Variants in AFF2 observed in about 807,000 individuals in gnomAD.
AFF2 encodes AF4/FMR2 family member 2.
AFF2 carries 14 observed loss-of-function variants against 76.9 expected under a neutral mutation model. That is an observed-to-expected ratio of 0.18 (90% CI 0.12 to 0.28). The LOEUF is 0.28. AFF2 is among the 10% of genes least tolerant of loss of function. The pLI is 1.00. For missense variants in AFF2, 868 were observed against 1,001.1 expected, an observed-to-expected ratio of 0.87 and a Z score of 1.79; for synonymous variants, 398 against 366.7, an observed-to-expected ratio of 1.09 and a Z score of -0.98.
At chrX:148,535,184 A>G (rs1439471648) in intron 1 of AFF2, among the ~76,000 whole-genome samples, 1 of 111,997 alleles carries the variant, frequency 8.9e-6, no homozygotes, top group African/African-American at 3.2e-5. Flanking sequence ...GAGAGCTGCT[A>G]CCACCATCAT....
chrX:148,948,119 A>G (rs1189196198), intron 9 of AFF2, among the ~76,000 whole-genome samples: 2 of 112,640 alleles, frequency 1.8e-5, no homozygotes, highest in African/African-American at 3.2e-5. Flanking sequence ...TCTCCAGAGA[A>G]AGGGATTTAC....
At chrX:148,792,411 C>A (rs782360181) in intron 3 of AFF2, among the ~76,000 whole-genome samples, 1 of 112,677 alleles carries the variant, frequency 8.9e-6, no homozygotes, top group African/African-American at 3.2e-5. Context: ...CGAGAGCGTG[C>A]CACTGCACTC....
At chrX:148,764,811 T>A (rs1218963672) in intron 3 of AFF2, among the ~76,000 whole-genome samples, 1 of 112,195 alleles carries the variant, frequency 8.9e-6, no homozygotes, top group Non-Finnish European at 1.9e-5. Flanking sequence ...AATGTGCTAT[T>A]TCTGAATGGT....
intron 1 of AFF2, among the ~76,000 whole-genome samples, chrX:148,510,075 TTTG>T (rs1170895659): frequency 9.0e-6 from 1 of 111,588 alleles, no homozygotes; most frequent in African/African-American, 3.3e-5. Context: ...CCCATGCAAC[TTTG>T]TTGTTGTGAA....
rs1238104884 is a variant in AFF2, at chrX:148,991,467, T to C, written c.*135T>C. 7 of 787,102 alleles carry C rather than the reference T, an allele frequency of 8.9e-6. 1 individual carries two copies. Among genetic ancestry groups the C allele is most frequent in the Non-Finnish European group, 1.2e-5 (7 of 584,290 alleles). 64.9% of individuals were successfully genotyped at this position (787,102 alleles called of 1,213,427 possible). A position where few individuals can be genotyped will look rare whatever the true frequency, so the allele number is the denominator to read the frequency against. On this transcript the variant is annotated 3_prime_UTR_variant, in exon 21 of 21. Transcript: ENST00000370460. ...TTGTTTTTATGCTTCTTTTGTTATC[T>C]GTAAAAAACAGAAGTCATTGTAAGT...
intron 3 of AFF2, among the ~76,000 whole-genome samples, chrX:148,725,458 C>T (rs148979822): frequency 1.8e-5 from 2 of 111,247 alleles, no homozygotes; most frequent in East Asian, 2.9e-4. Context: ...CTGAGAAAAT[C>T]CCAAGACAAC....
chrX:148,701,007 A>AATGTGT (rs2054785258), intron 3 of AFF2, among the ~76,000 whole-genome samples: 1 of 83,122 alleles, frequency 1.2e-5, no homozygotes, highest in Non-Finnish European at 2.3e-5. Flanking sequence ...AGAGAGAGAG[A>AATGTGT]GAGAATGTGT....
chrX:148,933,578 A>G (rs1557284643), intron 9 of AFF2, among the ~76,000 whole-genome samples: 1 of 111,075 alleles, frequency 9.0e-6, no homozygotes, highest in African/African-American at 3.3e-5. Context: ...GAGTGGATGG[A>G]TTAGTGATGT....
intron 3 of AFF2, among the ~76,000 whole-genome samples, chrX:148,698,797 G>GTTTTTTTTTT (rs142604433): frequency 1.4e-5 from 1 of 71,714 alleles, no homozygotes; most frequent in African/African-American, 5.0e-5. Context: ...GAGTTCTAGT[G>GTTTTTTTTTT]TTTTTTTTTT....
intron 1 of AFF2, among the ~76,000 whole-genome samples, chrX:148,556,541 A>G (rs1387798599): frequency 8.9e-6 from 1 of 112,222 alleles, no homozygotes; most frequent in Admixed American, 9.5e-5. Flanking sequence ...CTTTAAAAAG[A>G]TATAATTTCA....
intron 3 of AFF2, among the ~76,000 whole-genome samples, chrX:148,683,353 T>C (rs1411723928): frequency 1.8e-5 from 2 of 111,991 alleles, no homozygotes; most frequent in Admixed American, 1.9e-4. Flanking sequence ...TACATATGTG[T>C]TCTTTTCAAT....
chrX:148,779,768 T>A (rs1421509905), intron 3 of AFF2, among the ~76,000 whole-genome samples: 1 of 112,283 alleles, frequency 8.9e-6, no homozygotes, highest in East Asian at 2.8e-4. Flanking sequence ...TATTGTTATA[T>A]GTGAATTTGA....
chrX:148,526,799 C>T (rs2052665901), intron 1 of AFF2, among the ~76,000 whole-genome samples: 1 of 111,262 alleles, frequency 9.0e-6, no homozygotes, highest in South Asian at 3.7e-4. Flanking sequence ...AATGATCTCA[C>T]CAATTCCAAT....
chrX:148,880,413 T>C (rs2071084001), intron 7 of AFF2, among the ~76,000 whole-genome samples: 1 of 111,419 alleles, frequency 9.0e-6, no homozygotes, highest in Non-Finnish European at 1.9e-5. Context: ...AAACCAGTCA[T>C]GTTTTATTTC....
At chrX:148,680,768 C>G (rs1452362452) in intron 3 of AFF2, among the ~76,000 whole-genome samples, 4 of 111,172 alleles carry the variant, frequency 3.6e-5, no homozygotes, top group African/African-American at 6.5e-5. Context: ...CCAGAGCAGA[C>G]AGAGGTGCAT....
chrX:148,517,146 A>C (rs2124207589), intron 1 of AFF2, among the ~76,000 whole-genome samples: 1 of 111,999 alleles, frequency 8.9e-6, no homozygotes, highest in African/African-American at 3.2e-5. Context: ...AGACCATTAA[A>C]TACTTAAAGT....
At chrX:148,757,238 C>G (rs1325056559) in intron 3 of AFF2, among the ~76,000 whole-genome samples, 1 of 112,048 alleles carries the variant, frequency 8.9e-6, no homozygotes, top group Non-Finnish European at 1.9e-5. Flanking sequence ...TCCATAGTTG[C>G]TTTTGCACTG....
At chrX:148,978,731 CT>C (rs1187448559) in intron 18 of AFF2, among the ~76,000 whole-genome samples, 1 of 111,527 alleles carries the variant, frequency 9.0e-6, no homozygotes, top group African/African-American at 3.3e-5. Context: ...AGTATGTCAC[CT>C]TTTTGCTGCT....
At chrX:148,780,623 C>A (rs1240320646) in intron 3 of AFF2, among the ~76,000 whole-genome samples, 1 of 111,642 alleles carries the variant, frequency 9.0e-6, no homozygotes, top group Admixed American at 9.5e-5. Context: ...CTTCTCTAAA[C>A]CGGTTATTCT....
Sources: allele counts gnomAD v4.1 joint callset (sites outside exome capture counted in the v4.1 genomes callset), GRCh38; gene constraint gnomAD v4.1.1; transcripts MANE v1.5; gene names NCBI Gene and HGNC (gene_info 2026-07-23, HGNC 2026-07-21).